Variants in TTL observed in about 807,000 individuals in gnomAD.
TTL encodes tubulin tyrosine ligase.
Under a neutral mutation model 41.1 loss-of-function variants are expected in TTL, and 10 were observed. That is an observed-to-expected ratio of 0.24 (90% CI 0.15 to 0.41). The LOEUF is 0.41. Ranked by LOEUF, TTL falls within the 10% of genes least tolerant of loss-of-function variation. The probability of loss-of-function intolerance (pLI) is 1.00; values close to 1 mark genes in which losing one functional copy is unlikely to be tolerated. For synonymous variants in TTL, 175 were observed against 175.5 expected (o/e 1.00, Z 0.02); for missense variants, 367 against 460.4 (o/e 0.80, Z 1.86).
At chr2:112,510,368 G>T (rs990516586) in intron 5 of TTL, among the ~76,000 whole-genome samples, 1 of 151,994 alleles carries the variant, frequency 6.6e-6, no homozygotes, top group Non-Finnish European at 1.5e-5. Context: ...GGCTCAAGCA[G>T]CCCTCCCATC....
At chr2:112,518,028 C>T (rs1453483573) in intron 5 of TTL, among the ~76,000 whole-genome samples, 8 of 151,790 alleles carry the variant, frequency 5.3e-5, no homozygotes, top group Admixed American at 4.6e-4. Flanking sequence ...TCACTGCAGC[C>T]TTGGCTCATG....
At chr2:112,493,550 A>G (rs997808128) in intron 2 of TTL, among the ~76,000 whole-genome samples, 3 of 152,122 alleles carry the variant, frequency 2.0e-5, no homozygotes, top group Admixed American at 2.0e-4. Flanking sequence ...GCCTTGCCTG[A>G]CTTTATCTTC....
intron 6 of TTL, among the ~76,000 whole-genome samples, chr2:112,525,552 G>A (rs553517629): frequency 2.0e-5 from 3 of 152,114 alleles, no homozygotes; most frequent in Admixed American, 6.6e-5. Context: ...CTCTGAAGCA[G>A]TTGTGAATGG....
chr2:112,484,125 G>A (rs1681169075), intron 1 of TTL, among the ~76,000 whole-genome samples: 1 of 152,030 alleles, frequency 6.6e-6, no homozygotes. Flanking sequence ...CATTACCCTG[G>A]TGCTTAAGCC....
chr2:112,502,700 G>C (rs928327738), intron 4 of TTL, among the ~76,000 whole-genome samples: 1 of 151,464 alleles, frequency 6.6e-6, no homozygotes, highest in African/African-American at 2.4e-5. Context: ...GTTATTTATG[G>C]TAAAATGTTT....
chr2:112,496,699 G>A (rs1327025844), intron 3 of TTL, among the ~76,000 whole-genome samples: 1 of 126,430 alleles, frequency 7.9e-6, no homozygotes, highest in African/African-American at 2.8e-5. Context: ...GTGTGTGTGT[G>A]TGTGTGTGTA....
At chr2:112,489,287 G>C (rs995861991) in intron 2 of TTL, among the ~76,000 whole-genome samples, 1 of 152,044 alleles carries the variant, frequency 6.6e-6, no homozygotes, top group African/African-American at 2.4e-5. Context: ...GGAAAGCTTT[G>C]ATCTGAATTT....
Position 112,488,588 on chromosome 2 carries a change from T to C in TTL, c.236+2593T>C, listed in dbSNP as rs141999673. Among the ~76,000 whole-genome samples, 1,109 of 151,834 alleles carry C rather than the reference T, an allele frequency of 7.3e-3. 21 individuals carry two copies. The highest frequency in any genetic ancestry group is 0.025 in the African/African-American group (1,033 of 41,410). ...ATCTGGCCAGCATGGTAAAACCCCA[T>C]GTCTACTAAAAATACAAAAATTAGC... is the stretch of plus-strand genomic sequence containing the variant. On this transcript the variant is annotated intron_variant, in intron 2 of 6. Coordinates refer to ENST00000233336, the MANE Select transcript of TTL (RefSeq NM_153712.5).
chr2:112,520,602 T>C, intron 6 of TTL, 177 bp downstream of exon 6: 1 of 798,508 alleles, frequency 1.3e-6, no homozygotes, highest in Non-Finnish European at 1.9e-6. Flanking sequence ...CCTTTCCTAT[T>C]TCCCCGTGTA....
chr2:112,522,160 C>T (rs1290269063), intron 6 of TTL: 1 of 152,430 alleles, frequency 6.6e-6, no homozygotes, highest in African/African-American at 2.4e-5. Context: ...AAAAGATGTC[C>T]TCCCCTGATG....
chr2:112,539,828 T>C lies in TTL; in HGVS notation c.*11033T>C, dbSNP rs1019335913. Reference sequence around the variant, plus strand: ...AGAACTAATAAAGAGTTTAGCAAGATTGCCAGACACAAGATCAATATACAA... The same window carrying C: ...AGAACTAATAAAGAGTTTAGCAAGACTGCCAGACACAAGATCAATATACAA... On this transcript the variant is annotated 3_prime_UTR_variant, in exon 7 of 7. Transcript: ENST00000233336. 2 of 152,194 alleles carry C rather than the reference T, an allele frequency of 1.3e-5. No homozygotes were observed. Among genetic ancestry groups the C allele is most frequent in the African/African-American group, 2.4e-5 (1 of 41,448 alleles). The allele number at this position is 152,194 out of a possible 1,614,324, so 9.4% of individuals were successfully genotyped here. A position where few individuals can be genotyped will look rare whatever the true frequency, so the allele number is the denominator to read the frequency against.
intron 5 of TTL, among the ~76,000 whole-genome samples, chr2:112,513,940 A>G (rs1241469605): frequency 1.3e-5 from 2 of 152,160 alleles, no homozygotes; most frequent in African/African-American, 4.8e-5. Flanking sequence ...TTAATATTAC[A>G]TATATTTTAA....
At chr2:112,502,755 T>C (rs1161296576) in intron 4 of TTL, among the ~76,000 whole-genome samples, 157 bp from the exon 5 acceptor site, 1 of 152,178 alleles carries the variant, frequency 6.6e-6, no homozygotes, top group Admixed American at 6.6e-5. Context: ...AGCTAAATCA[T>C]AACATGCCTC....
intron 3 of TTL, among the ~76,000 whole-genome samples, chr2:112,496,407 T>A (rs1202380730): frequency 6.6e-6 from 1 of 152,230 alleles, no homozygotes; most frequent in African/African-American, 2.4e-5. Context: ...ACCCACTACA[T>A]GCTTTGTATA....
intron 5 of TTL, among the ~76,000 whole-genome samples, chr2:112,509,663 C>G (rs566511055): frequency 2.7e-4 from 41 of 152,302 alleles, no homozygotes; most frequent in African/African-American, 9.4e-4. Flanking sequence ...ATGCCTCGCC[C>G]TGCTTCGGCT....
intron 2 of TTL, among the ~76,000 whole-genome samples, chr2:112,488,664 A>C (rs1368272887): frequency 6.6e-6 from 1 of 152,012 alleles, no homozygotes; most frequent in Non-Finnish European, 1.5e-5. Context: ...AGGCTGAGGC[A>C]GGAGAATCGC....
At chr2:112,498,623 G>A (rs1036689012) in intron 3 of TTL, among the ~76,000 whole-genome samples, 11 of 152,082 alleles carry the variant, frequency 7.2e-5, no homozygotes, top group Non-Finnish European at 2.9e-5. Context: ...ACATGGAGGG[G>A]CCGGGCACGG....
At chr2:112,486,878 A>G (rs1348333293) in intron 2 of TTL, among the ~76,000 whole-genome samples, 1 of 152,230 alleles carries the variant, frequency 6.6e-6, no homozygotes, top group Non-Finnish European at 1.5e-5. Context: ...ATGGGGAAAT[A>G]ATAATAACTA....
intron 6 of TTL, among the ~76,000 whole-genome samples, chr2:112,522,915 G>A (rs913623556): frequency 1.3e-5 from 2 of 152,206 alleles, no homozygotes; most frequent in African/African-American, 4.8e-5. Flanking sequence ...TAACTGGGGT[G>A]CACTTCTGCT....
Sources: gnomAD v4.1 joint callset for allele counts (sites outside exome capture counted in the v4.1 genomes callset) on GRCh38, gnomAD v4.1.1 for gene constraint, MANE v1.5 for transcripts, NCBI Gene and HGNC (gene_info 2026-07-23, HGNC 2026-07-21) for gene names.